WRN: variants seen among roughly 807,000 people sequenced by gnomAD.
WRN encodes the protein bifunctional 3'-5' exonuclease/ATP-dependent helicase WRN.
In WRN, 149 loss-of-function variants were observed where a neutral mutation model predicts 180.7. That is an observed-to-expected ratio of 0.82 (90% CI 0.72 to 0.94). The LOEUF (loss-of-function observed/expected upper bound fraction) is 0.94, where lower values mean the gene tolerates loss of function less well. WRN is among the 40% of genes least tolerant of loss of function. WRN has a pLI of 0.00. For synonymous variants in WRN, 548 were observed against 568.9 expected, an observed-to-expected ratio of 0.96 and a Z score of 0.52; for missense variants, 1,661 against 1,700.1, an observed-to-expected ratio of 0.98 and a Z score of 0.40.
chr8:31,120,164 A>C (rs1801668122), intron 20 of WRN, 79 bp from the exon 21 acceptor site: 1 of 1,559,666 alleles, frequency 6.4e-7, no homozygotes, highest in Non-Finnish European at 8.8e-7. Context: ...CGAACAAATT[A>C]TTCTTACAAA....
intron 1 of WRN, among the ~76,000 whole-genome samples, chr8:31,053,864 G>A (rs1383653762): frequency 6.6e-6 from 1 of 152,118 alleles, no homozygotes; most frequent in Non-Finnish European, 1.5e-5. Flanking sequence ...GTATTATTTT[G>A]AAATACTTGA....
intron 30 of WRN, among the ~76,000 whole-genome samples, chr8:31,149,578 A>C (rs11574367): frequency 0.39 from 54,827 of 141,758 alleles, 10,770 homozygotes; most frequent in East Asian, 0.62. Context: ...GGGTTCAAGC[A>C]ATTCTCCTGC....
intron 18 of WRN, among the ~76,000 whole-genome samples, chr8:31,105,825 T>C (rs1198838991): frequency 3.3e-5 from 5 of 152,210 alleles, no homozygotes; most frequent in Non-Finnish European, 5.9e-5. Context: ...TAGACTGATA[T>C]CAGCAGTATA....
intron 16 of WRN, among the ~76,000 whole-genome samples, chr8:31,095,580 G>C (rs1813930786): frequency 6.6e-6 from 1 of 152,112 alleles, no homozygotes; most frequent in Non-Finnish European, 1.5e-5. Flanking sequence ...TATTGTATGA[G>C]GTATTGATTA....
chr8:31,085,914 A>G (rs1463621351), intron 11 of WRN, among the ~76,000 whole-genome samples: 1 of 152,052 alleles, frequency 6.6e-6, no homozygotes, highest in Non-Finnish European at 1.5e-5. Flanking sequence ...TTATACATTC[A>G]ATAATCATCT....
Position 31,058,552 on chromosome 8 carries a change from T to C in WRN, c.96+9T>C, listed in dbSNP as rs377656120. ...CTGTAGAAGAAAGAAAGGTATGTTG[T>C]TCATTGACTATTCTTTTGGGTGAGA... On this transcript the variant is annotated intron_variant, in intron 2 of 34. Coordinates refer to ENST00000298139, the MANE Select transcript of WRN (RefSeq NM_000553.6). 1.2e-6 allele frequency: 2 copies of C among 1,612,424 alleles called. No individual in the cohort carries two copies. The highest frequency in any genetic ancestry group is 2.7e-5 in the African/African-American group (2 of 74,890).
chr8:31,090,803 C>G (rs1197384616), intron 14 of WRN, 31 bp from the exon 15 acceptor site: 1 of 1,519,038 alleles, frequency 6.6e-7, no homozygotes, highest in Non-Finnish European at 9.0e-7. Context: ...ATATTTTTTT[C>G]ATTTTATTTT....
intron 8 of WRN, among the ~76,000 whole-genome samples, chr8:31,080,173 G>GC (rs1813244325): frequency 6.6e-6 from 1 of 152,162 alleles, no homozygotes; most frequent in Non-Finnish European, 1.5e-5. Context: ...GAACCACCGT[G>GC]CCCGCCCCAA....
intron 6 of WRN, 81 bp from the exon 7 acceptor site, chr8:31,068,175 CTT>C: frequency 9.7e-7 from 1 of 1,030,072 alleles, no homozygotes; most frequent in South Asian, 1.4e-5. Flanking sequence ...GAATCATTCT[CTT>C]CGATTTTTCT....
At chr8:31,171,831 C>T (rs1322537409) in intron 34 of WRN, among the ~76,000 whole-genome samples, 1 of 152,132 alleles carries the variant, frequency 6.6e-6, no homozygotes, top group East Asian at 1.9e-4. Context: ...TGAACAATAT[C>T]TAGATAGTCT....
intron 24 of WRN, among the ~76,000 whole-genome samples, chr8:31,138,545 C>T (rs1802487554): frequency 6.6e-6 from 1 of 152,116 alleles, no homozygotes; most frequent in African/African-American, 2.4e-5. Flanking sequence ...GATCTCTAGA[C>T]TTGTTTATGC....
intron 1 of WRN, among the ~76,000 whole-genome samples, chr8:31,054,631 A>G (rs564163233): frequency 6.6e-6 from 1 of 152,378 alleles, no homozygotes; most frequent in African/African-American, 2.4e-5. Context: ...ATAAGATTTC[A>G]GGAAAAGTCC....
At chr8:31,094,372 G>T (rs1445414209) in intron 16 of WRN, among the ~76,000 whole-genome samples, 12 of 148,548 alleles carry the variant, frequency 8.1e-5, no homozygotes, top group Admixed American at 6.7e-5. Context: ...TTGAGTCAGG[G>T]TCTCCCTCTG....
At chr8:31,090,354 A>C (rs1813698399) in intron 13 of WRN, 111 bp from the exon 14 acceptor site, 3 of 1,047,482 alleles carry the variant, frequency 2.9e-6, no homozygotes, top group Non-Finnish European at 4.4e-6. Context: ...TTTATGTATG[A>C]AGTTTGAAAA....
At chr8:31,117,100 T>C (rs1255629725) in intron 20 of WRN, among the ~76,000 whole-genome samples, 1 of 152,198 alleles carries the variant, frequency 6.6e-6, no homozygotes, top group African/African-American at 2.4e-5. Context: ...CAGTCTGGGC[T>C]TGGTATCATA....
intron 24 of WRN, among the ~76,000 whole-genome samples, chr8:31,138,364 G>A (rs866900853): frequency 2.0e-5 from 3 of 151,550 alleles, no homozygotes; most frequent in African/African-American, 7.3e-5. Context: ...TGATGTTATG[G>A]GTTACCTATA....
intron 3 of WRN, among the ~76,000 whole-genome samples, chr8:31,060,234 T>C (rs981529232): frequency 2.0e-5 from 3 of 152,052 alleles, no homozygotes; most frequent in African/African-American, 4.8e-5. Context: ...TGGTTATACC[T>C]GTCTTTTAAA....
chr8:31,137,830 C>T (rs1802457888), intron 24 of WRN, among the ~76,000 whole-genome samples: 1 of 151,642 alleles, frequency 6.6e-6, no homozygotes, highest in South Asian at 2.1e-4. Flanking sequence ...AAAAAATTAG[C>T]ATTTATGCCT....
chr8:31,101,787 C>CAAAAAAAAAAAAAAAAAAAAAA (rs60342321), intron 18 of WRN, among the ~76,000 whole-genome samples: 1 of 42,056 alleles, frequency 2.4e-5, no homozygotes, highest in Non-Finnish European at 4.7e-5. Context: ...AACTCTGTCT[C>CAAAAAAAAAAAAAAAAAAAAAA]AAAAAAAAAA....
Sources: gnomAD v4.1 joint callset for allele counts (sites outside exome capture counted in the v4.1 genomes callset) on GRCh38, gnomAD v4.1.1 for gene constraint, MANE v1.5 for transcripts, NCBI Gene and HGNC (gene_info 2026-07-23, HGNC 2026-07-21) for gene names.